The following CCDC60 variants were observed in gnomAD, a reference collection of about 807,000 sequenced individuals.
CCDC60 encodes the protein coiled-coil domain containing 60.
Under a neutral mutation model 63.5 loss-of-function variants are expected in CCDC60, and 54 were observed. That is an observed-to-expected ratio of 0.85 (90% CI 0.68 to 1.07). The LOEUF (loss-of-function observed/expected upper bound fraction) is 1.07. Among genes scored for constraint, CCDC60 ranks in the 50% least tolerant of loss-of-function variants. The pLI, the probability that CCDC60 is intolerant of heterozygous loss-of-function variation, is 0.00. For missense variants in CCDC60, 651 were observed against 684.3 expected (o/e 0.95, Z 0.54); for synonymous variants, 206 against 238.8 (o/e 0.86, Z 1.27).
chr12:119,519,401 ATGTGTGTGTGTGTGTG>A (rs141127258), intron 8 of CCDC60, among the ~76,000 whole-genome samples: 1 of 136,410 alleles, frequency 7.3e-6, no homozygotes, highest in Non-Finnish European at 1.5e-5. Context: ...AGTGATATAT[ATGTGTGTGTGTGTGTG>A]TGTGTGTGTG....
chr12:119,527,662 C>CTT (rs1952716549), intron 11 of CCDC60, among the ~76,000 whole-genome samples: 6 of 93,260 alleles, frequency 6.4e-5, no homozygotes, highest in African/African-American at 1.9e-4. Flanking sequence ...TTCTTTCTTT[C>CTT]TTTCTTTTTT....
At position 119,420,138 on chromosome 12, in the gene CCDC60, A is replaced by T. The variant is rs529648579; in HGVS notation, c.91-8545A>T. Among the ~76,000 whole-genome samples the T allele has an allele frequency of 1.6e-4, 24 of 152,228 alleles. No individual in the cohort carries two copies. Among genetic ancestry groups the T allele is most frequent in the Admixed American group, 3.9e-4 (6 of 15,288 alleles). On this transcript the variant is annotated intron_variant, in intron 1 of 13. Transcript: ENST00000327554. This position sits in a 1 kb window ranked among gnomAD's most constrained non-coding sequence, Gnocchi z 4.1. ...TGATCCACCCGCCTCGGCCTCCCAAAGTGCTGAGATTACAGGTATAAGCCA... is the reference window on the plus strand; with the variant it reads ...TGATCCACCCGCCTCGGCCTCCCAATGTGCTGAGATTACAGGTATAAGCCA...
intron 1 of CCDC60, among the ~76,000 whole-genome samples, chr12:119,339,579 G>A (rs1440610388): frequency 6.6e-6 from 1 of 152,140 alleles, no homozygotes; most frequent in African/African-American, 2.4e-5. Context: ...TTGAGCCCAG[G>A]AGTTTGAGAC....
chr12:119,489,253 C>T (rs900871900), intron 5 of CCDC60, among the ~76,000 whole-genome samples: 1 of 152,228 alleles, frequency 6.6e-6, no homozygotes, highest in African/African-American at 2.4e-5. Context: ...ATTCTTTATT[C>T]TTCTTCCTTT....
intron 2 of CCDC60, among the ~76,000 whole-genome samples, chr12:119,432,516 G>A (rs1358333588): frequency 1.3e-5 from 2 of 152,168 alleles, no homozygotes; most frequent in Non-Finnish European, 2.9e-5. Context: ...AGGTAGATGA[G>A]GCCAACTAAG....
At position 119,420,395 on chromosome 12, in the gene CCDC60, A is replaced by G. The variant is rs1956791346; in HGVS notation, c.91-8288A>G. Among the ~76,000 whole-genome samples, 2 of 152,222 alleles carry G rather than the reference A, an allele frequency of 1.3e-5. No individual in the cohort carries two copies. Among genetic ancestry groups the G allele is most frequent in the Admixed American group, 1.3e-4 (2 of 15,276 alleles). ...ACAAAAAAAAGAGTGAGATCCAGTT[A>G]TTTGCAACAACATGGATGGAACTGG... On this transcript the variant is annotated intron_variant, in intron 1 of 13. Transcript: ENST00000327554. The surrounding 1 kb of genome is among the most constrained non-coding windows in gnomAD (Gnocchi z 4.1).
intron 1 of CCDC60, among the ~76,000 whole-genome samples, chr12:119,405,970 G>A (rs913019469): frequency 1.5e-4 from 23 of 152,236 alleles, no homozygotes; most frequent in African/African-American, 4.1e-4. Flanking sequence ...TCAGGAGTTC[G>A]AGACCAGCCT....
chr12:119,506,438 CA>C (rs35584778), intron 7 of CCDC60, among the ~76,000 whole-genome samples: 6,290 of 87,280 alleles, frequency 0.072, 219 homozygotes, highest in African/African-American at 0.16. Flanking sequence ...CCTCATCTCT[CA>C]AAAAAAAAAA....
At chr12:119,389,295 G>C (rs1306370102) in intron 1 of CCDC60, among the ~76,000 whole-genome samples, 1 of 152,152 alleles carries the variant, frequency 6.6e-6, no homozygotes, top group East Asian at 1.9e-4. Flanking sequence ...CTGACCACTT[G>C]TTTTTATAAA....
chr12:119,487,774 C>T (rs187163550), intron 4 of CCDC60, among the ~76,000 whole-genome samples: 3 of 152,282 alleles, frequency 2.0e-5, no homozygotes, highest in Admixed American at 2.0e-4. Flanking sequence ...AAAGTGCCCC[C>T]ATCAATACCT....
At chr12:119,505,421 G>A (rs1951971192) in intron 7 of CCDC60, 118 bp downstream of exon 7, 11 of 655,630 alleles carry the variant, frequency 1.7e-5, no homozygotes, top group East Asian at 2.7e-5. Context: ...ATGGGATCCC[G>A]CATCCTTGTT....
At position 119,540,892 on chromosome 12, in the gene CCDC60, C is replaced by A; in HGVS notation, c.*177C>A. On this transcript the variant is annotated 3_prime_UTR_variant, in exon 14 of 14. Transcript: ENST00000327554. ...AGCAACATTTTTAGAGGGGGATGGC[C>A]CCGGTGGCCCTCCCCTCAATTCCAC... 1.8e-6 allele frequency: 1 copy of A among 555,166 alleles called. No individual in the cohort carries two copies. The highest frequency in any genetic ancestry group is 3.2e-6 in the Non-Finnish European group (1 of 314,580). The allele number at this position is 555,166 out of a possible 1,614,324, so 34.4% of individuals were successfully genotyped here.
intron 2 of CCDC60, among the ~76,000 whole-genome samples, chr12:119,446,659 C>G (rs985340069): frequency 2.0e-5 from 3 of 152,018 alleles, no homozygotes; most frequent in Admixed American, 6.6e-5. Context: ...AATTATGAGT[C>G]AGAGTGTCTA....
At chr12:119,373,908 A>G (rs903596693) in intron 1 of CCDC60, among the ~76,000 whole-genome samples, 1 of 152,200 alleles carries the variant, frequency 6.6e-6, no homozygotes, top group South Asian at 2.1e-4. Context: ...GGAATTTCAA[A>G]TGAACTTGAG....
intron 9 of CCDC60, among the ~76,000 whole-genome samples, chr12:119,521,924 T>C (rs1302626138): frequency 6.6e-6 from 1 of 152,194 alleles, no homozygotes; most frequent in South Asian, 2.1e-4. Context: ...CCAAGTAGGA[T>C]GAGGATTTGC....
rs560134663 is a variant in CCDC60 at position 119,494,816 on chromosome 12, A to C, written c.558-5262A>C. Among the ~76,000 whole-genome samples the C allele has an allele frequency of 4.6e-5, 7 of 152,294 alleles. 1 individual carries two copies. The South Asian group carries it at 1.2e-3, about 27-fold the overall frequency. ...ACCCACACGGAGAAACCCCATCTCT[A>C]CTAAAAATACAAAATTAGCCAGGCT... On this transcript the variant is annotated intron_variant, in intron 5 of 13. Transcript: ENST00000327554.
intron 1 of CCDC60, among the ~76,000 whole-genome samples, chr12:119,372,658 A>C (rs1955909168): frequency 6.6e-6 from 1 of 152,286 alleles, no homozygotes; most frequent in South Asian, 2.1e-4. Flanking sequence ...ACTCAGAGAG[A>C]TATCTCGGTG....
rs1404769283 is a variant in CCDC60 at position 119,540,710 on chromosome 12, AG to A, written c.1650del (p.Arg550SerfsTer7). 1 of 1,611,196 alleles carries A rather than the reference AG, an allele frequency of 6.2e-7. No individual in the cohort carries two copies. The highest frequency in any genetic ancestry group is 1.3e-5 in the African/African-American group (1 of 74,862). ...NIPIGPYSALR is the reference protein window; with the variant it reads ...NIPIGPYSALX ...ACCCATTGGGCCCTACAGCGCCCTG[AG>A]GTAGGCTGGGCCTGGGTTGACCAGC... is the stretch of plus-strand genomic sequence containing the variant. On this transcript the variant is annotated frameshift_variant, in exon 14 of 14. Transcript: ENST00000327554. LOFTEE classifies it high-confidence loss of function.
chr12:119,464,301 C>A (rs1449393500), intron 2 of CCDC60, among the ~76,000 whole-genome samples: 2 of 67,712 alleles, frequency 3.0e-5, no homozygotes, highest in African/African-American at 1.6e-4. Context: ...GCAAGAGCAA[C>A]CCCCCCCCCA....
Sources: gnomAD v4.1 joint callset for allele counts (sites outside exome capture counted in the v4.1 genomes callset) on GRCh38, gnomAD v4.1.1 for gene constraint, Gnocchi (gnomAD v3.1) non-coding constraint, MANE v1.5 for transcripts, NCBI Gene and HGNC (gene_info 2026-07-23, HGNC 2026-07-21) for gene names.